ELAVL2: variants seen among roughly 807,000 people sequenced by gnomAD.
ELAVL2 encodes the protein ELAV-like protein 2.
A neutral mutation model predicts 34.6 loss-of-function variants in ELAVL2; 4 were observed. The ratio of observed to expected loss-of-function variants is 0.12; its 90% confidence interval spans 0.06 to 0.26. The LOEUF is 0.26. Among genes scored for constraint, ELAVL2 ranks in the 10% least tolerant of loss-of-function variants. The pLI, the probability that ELAVL2 is intolerant of heterozygous loss-of-function variation, is 1.00. For synonymous variants in ELAVL2, 193 were observed against 154.8 expected, an observed-to-expected ratio of 1.25 and a Z score of -1.83; for missense variants, 432 against 442.8, an observed-to-expected ratio of 0.98 and a Z score of 0.22.
chr9:23,801,671 A>C (rs1297129013), intron 1 of ELAVL2, among the ~76,000 whole-genome samples: 2 of 152,260 alleles, frequency 1.3e-5, no homozygotes, highest in Non-Finnish European at 2.9e-5. Flanking sequence ...ACATCTGACA[A>C]CAGAATGTTC....
intron 3 of ELAVL2, among the ~76,000 whole-genome samples, chr9:23,728,770 G>A (rs550471748): frequency 6.6e-6 from 1 of 152,000 alleles, no homozygotes; most frequent in Non-Finnish European, 1.5e-5. Flanking sequence ...AATAAACATA[G>A]AAAGAACAAA....
chr9:23,827,837 TC>T (rs2065373034), upstream of ELAVL2, among the ~76,000 whole-genome samples: 1 of 152,180 alleles, frequency 6.6e-6, no homozygotes, highest in African/African-American at 2.4e-5. Context: ...CCTGTTTATC[TC>T]CCGTGTAGCC....
intron 3 of ELAVL2, among the ~76,000 whole-genome samples, chr9:23,722,980 TAAATG>T (rs2044123962): frequency 6.6e-6 from 1 of 152,128 alleles, no homozygotes; most frequent in Admixed American, 6.5e-5. Flanking sequence ...TCCCAGGTGA[TAAATG>T]AAAGAAAAGC....
At chr9:23,745,633 C>T (rs2050303190) in intron 2 of ELAVL2, among the ~76,000 whole-genome samples, 1 of 152,158 alleles carries the variant, frequency 6.6e-6, no homozygotes, top group Non-Finnish European at 1.5e-5. Flanking sequence ...CTAATGATGA[C>T]ATATACTACT....
chr9:23,712,681 G>A (rs1294483829), intron 3 of ELAVL2, among the ~76,000 whole-genome samples: 1 of 152,062 alleles, frequency 6.6e-6, no homozygotes, highest in Non-Finnish European at 1.5e-5. Context: ...CAATTAACAG[G>A]AAAACAGAAT....
chr9:23,713,451 C>T (rs891264380), intron 3 of ELAVL2, among the ~76,000 whole-genome samples: 2 of 151,926 alleles, frequency 1.3e-5, no homozygotes. Context: ...GTTCCATTTC[C>T]AATCCTGTAT....
At chr9:23,771,760 A>C (rs974699621) in intron 1 of ELAVL2, among the ~76,000 whole-genome samples, 1 of 152,224 alleles carries the variant, frequency 6.6e-6, no homozygotes, top group African/African-American at 2.4e-5. Flanking sequence ...AAAGTGGATG[A>C]AGATTAGATT....
intron 1 of ELAVL2, among the ~76,000 whole-genome samples, chr9:23,814,406 G>T (rs1401155955): frequency 6.6e-6 from 1 of 152,164 alleles, no homozygotes; most frequent in East Asian, 1.9e-4. Flanking sequence ...ATAAACAAGG[G>T]ACAGAGGGCA....
At chr9:23,814,107 T>A (rs368848788) in intron 1 of ELAVL2, among the ~76,000 whole-genome samples, 2 of 152,124 alleles carry the variant, frequency 1.3e-5, no homozygotes, top group Admixed American at 1.3e-4. Flanking sequence ...AACTCACAAC[T>A]ATTTAAAACA....
intron 1 of ELAVL2, among the ~76,000 whole-genome samples, chr9:23,822,377 G>A (rs2064926234): frequency 6.6e-6 from 1 of 152,062 alleles, no homozygotes; most frequent in African/African-American, 2.4e-5. Flanking sequence ...GCGGGGTGCT[G>A]TACTCTGCTT....
chr9:23,735,020 T>C (rs1476742529), intron 2 of ELAVL2, among the ~76,000 whole-genome samples: 2 of 140,674 alleles, frequency 1.4e-5, no homozygotes, highest in Non-Finnish European at 3.0e-5. Context: ...TATAAGATGC[T>C]ACATTTAAAT....
At chr9:23,699,067 T>C (rs1360379795) in intron 5 of ELAVL2, among the ~76,000 whole-genome samples, 2 of 152,190 alleles carry the variant, frequency 1.3e-5, no homozygotes, top group African/African-American at 4.8e-5. Context: ...TGTCTTTCTA[T>C]AGGAGTGAAG....
In ELAVL2 at chr9:23,724,954, C is replaced by G. The variant is rs567213984; in HGVS notation, c.333+6068G>C. ...TCAGTTAATTTGAGGCCTGTTCTTCCAACTATTACTTCTAAATTTTCCAAA... is the reference window on the plus strand; with the variant it reads ...TCAGTTAATTTGAGGCCTGTTCTTCGAACTATTACTTCTAAATTTTCCAAA... On this transcript the variant is annotated intron_variant, in intron 3 of 6. Transcript: ENST00000397312. Among the ~76,000 whole-genome samples, 15 of 152,126 alleles carry G rather than the reference C, an allele frequency of 9.9e-5. No homozygotes were observed. In the South Asian group the frequency reaches 2.9e-3, roughly 29 times the overall value.
chr9:23,807,964 G>A (rs1363977884), intron 1 of ELAVL2, among the ~76,000 whole-genome samples: 1 of 152,092 alleles, frequency 6.6e-6, no homozygotes, highest in Non-Finnish European at 1.5e-5. Flanking sequence ...ACGTTGTCCT[G>A]CAAAGAACAT....
At chr9:23,781,418 A>G (rs915140854) in intron 1 of ELAVL2, among the ~76,000 whole-genome samples, 2 of 152,212 alleles carry the variant, frequency 1.3e-5, no homozygotes, top group East Asian at 1.9e-4. Context: ...CAAACAGATC[A>G]GGAATTCTAC....
At chr9:23,846,713 T>C in the ELAVL2 span, among the ~76,000 whole-genome samples, 1 of 152,230 alleles carries the variant, frequency 6.6e-6, no homozygotes, top group East Asian at 1.9e-4. Context: ...ACCAGGCTAA[T>C]GTATCCAAAC....
rs199637833 is a variant in ELAVL2, at chr9:23,699,812, GTTTTTTTTTTTTTTTTTTTTTTTTTTT to G, written c.713+1540_713+1566del. On this transcript the variant is annotated intron_variant, in intron 5 of 6. Coordinates refer to ENST00000397312, the MANE Select transcript of ELAVL2 (RefSeq NM_004432.5). Reference sequence around the variant, plus strand: ...CCATGGGAAGTCAAAGGTGGCAAAGGTTTTTTTTTTTTTTTTTTTTTTTTTTTTTTTTTTTTTTTTAATACCAATGCC... The same window carrying G: ...CCATGGGAAGTCAAAGGTGGCAAAGGTTTTTTTTTTTTTAATACCAATGCC... Among the ~76,000 whole-genome samples the G allele has an allele frequency of 6.7e-4, 56 of 82,978 alleles. 1 individual carries two copies. The highest frequency in any genetic ancestry group is 2.0e-3 in the African/African-American group (46 of 22,932). 54.4% of individuals were successfully genotyped at this position (82,978 alleles called of 152,430 possible). A position where few individuals can be genotyped will look rare whatever the true frequency, so the allele number is the denominator to read the frequency against.
intron 5 of ELAVL2, among the ~76,000 whole-genome samples, chr9:23,695,582 C>T (rs1185666888): frequency 4.6e-5 from 7 of 152,134 alleles, no homozygotes; most frequent in African/African-American, 1.4e-4. Flanking sequence ...ATAGAATGCA[C>T]TTATACAAAC....
At chr9:23,731,182 C>G in intron 2 of ELAVL2, 57 bp from the exon 3 acceptor site, 1 of 1,485,724 alleles carries the variant, frequency 6.7e-7, no homozygotes, top group South Asian at 1.3e-5. Context: ...TGACAGAGAT[C>G]AACTTTCATT....
Sources: allele counts gnomAD v4.1 joint callset (sites outside exome capture counted in the v4.1 genomes callset), GRCh38; gene constraint gnomAD v4.1.1; transcripts MANE v1.5; gene names NCBI Gene and HGNC (gene_info 2026-07-23, HGNC 2026-07-21).